The following ZCWPW2 variants were observed in gnomAD, a reference collection of about 807,000 sequenced individuals.
The protein encoded by ZCWPW2 is zinc finger CW-type PWWP domain protein 2.
Under a neutral mutation model 46.6 loss-of-function variants are expected in ZCWPW2, and 45 were observed. The ratio of observed to expected loss-of-function variants is 0.96; its 90% CI spans 0.76 to 1.24. The LOEUF is 1.24. Among genes scored for constraint, ZCWPW2 ranks in the 50% most tolerant of loss-of-function variants. The pLI, the probability that ZCWPW2 is intolerant of heterozygous loss-of-function variation, is 0.00. For missense variants in ZCWPW2, 429 were observed against 403.9 expected (o/e 1.06, Z -0.53); for synonymous variants, 152 against 137.1 (o/e 1.11, Z -0.76).
chr3:28,360,349 C>CAAAAAAAAAAAAAAAAAAAAA, intron 1 of ZCWPW2, among the ~76,000 whole-genome samples: 1 of 53,926 alleles, frequency 1.9e-5, no homozygotes, highest in Non-Finnish European at 3.4e-5. Flanking sequence ...ACTAAAAATA[C>CAAAAAAAAAAAAAAAAAAAAA]AAAAAAAAAA....
At chr3:28,363,393 A>G (rs1458243186) in intron 1 of ZCWPW2, among the ~76,000 whole-genome samples, 1 of 152,196 alleles carries the variant, frequency 6.6e-6, no homozygotes, top group African/African-American at 2.4e-5. Flanking sequence ...TTTTTCTTAT[A>G]ATAGCACTGG....
At chr3:28,380,961 T>C (rs1197123927) in intron 1 of ZCWPW2, among the ~76,000 whole-genome samples, 1,157 of 55,372 alleles carry the variant, frequency 0.021, 318 homozygotes, top group Admixed American at 0.036. Flanking sequence ...TATATATATA[T>C]ATATATATAT....
intron 2 of ZCWPW2, among the ~76,000 whole-genome samples, chr3:28,398,571 G>T (rs989232699): frequency 1.3e-5 from 2 of 152,142 alleles, no homozygotes; most frequent in Non-Finnish European, 2.9e-5. Flanking sequence ...GAAGGAACCA[G>T]ATTGCTCCTG....
intron 3 of ZCWPW2, among the ~76,000 whole-genome samples, chr3:28,424,546 G>A (rs558903721): frequency 6.6e-6 from 1 of 152,240 alleles, no homozygotes; most frequent in South Asian, 2.1e-4. Flanking sequence ...ATAGCAAGAA[G>A]GTGGGCATCT....
chr3:28,507,224 A>T (rs766698465), intron 6 of ZCWPW2, among the ~76,000 whole-genome samples: 17 of 152,284 alleles, frequency 1.1e-4, no homozygotes, highest in African/African-American at 4.1e-4. Context: ...GTCATTGTGG[A>T]ATATTTAACA....
At chr3:28,442,775 T>A (rs1239837618) in intron 4 of ZCWPW2, among the ~76,000 whole-genome samples, 1 of 151,904 alleles carries the variant, frequency 6.6e-6, no homozygotes, top group African/African-American at 2.4e-5. Flanking sequence ...CCAAGATCTA[T>A]CTGTCTTCTG....
chr3:28,365,854 G>A (rs1220344577), intron 1 of ZCWPW2, among the ~76,000 whole-genome samples: 1 of 140,818 alleles, frequency 7.1e-6, no homozygotes, highest in Non-Finnish European at 1.6e-5. Context: ...CCTTGAAGAG[G>A]TCCTTCATCT....
Position 28,514,042 on chromosome 3 carries a change from T to C in ZCWPW2, c.658-22T>C, listed in dbSNP as rs954201925. ...ATTTAGTCCTATATGAACTAACTCA[T>C]ATTTTTGTTTTTGTGTTATAGAAGC... On this transcript the variant is annotated intron_variant, in intron 6 of 9. Transcript: ENST00000383768. 3 of 1,483,804 alleles carry C rather than the reference T, an allele frequency of 2.0e-6. No homozygotes were observed. The Admixed American group carries it at 5.8e-5, about 29-fold the overall frequency. 91.9% of individuals were successfully genotyped at this position (1,483,804 alleles called of 1,614,324 possible).
intron 3 of ZCWPW2, among the ~76,000 whole-genome samples, chr3:28,433,569 C>A (rs1697356516): frequency 6.6e-6 from 1 of 152,048 alleles, no homozygotes; most frequent in Non-Finnish European, 1.5e-5. Flanking sequence ...GAGTTCGAGA[C>A]CAGCCTGACC....
intron 4 of ZCWPW2, among the ~76,000 whole-genome samples, chr3:28,442,132 G>A (rs571980736): frequency 1.5e-4 from 23 of 152,244 alleles, no homozygotes; most frequent in East Asian, 1.2e-3. Flanking sequence ...AGAGCCTTTT[G>A]GATCACTGAC....
At chr3:28,438,743 A>T (rs1236463118) in intron 4 of ZCWPW2, among the ~76,000 whole-genome samples, 1 of 152,182 alleles carries the variant, frequency 6.6e-6, no homozygotes, top group Non-Finnish European at 1.5e-5. Flanking sequence ...CTTTAAAGCC[A>T]CTGTCTTAAA....
chr3:28,453,845 TATTATTA>T (rs1559510846), intron 4 of ZCWPW2, among the ~76,000 whole-genome samples: 138 of 148,422 alleles, frequency 9.3e-4, no homozygotes, highest in African/African-American at 3.2e-3. Context: ...TTATTTTTTT[TATTATTA>T]TTTTTTTTTT....
At chr3:28,502,011 C>A (rs1429443972) in intron 6 of ZCWPW2, among the ~76,000 whole-genome samples, 1 of 152,090 alleles carries the variant, frequency 6.6e-6, no homozygotes, top group African/African-American at 2.4e-5. Context: ...GCATGAGCCA[C>A]CCACATCCCA....
chr3:28,450,633 A>G (rs371506977), intron 4 of ZCWPW2, among the ~76,000 whole-genome samples: 1 of 152,162 alleles, frequency 6.6e-6, no homozygotes, highest in Admixed American at 6.6e-5. Context: ...CTCCTATAGT[A>G]AAAATGTAGC....
intron 2 of ZCWPW2, among the ~76,000 whole-genome samples, chr3:28,404,189 G>GA (rs796751098): frequency 3.3e-4 from 47 of 143,846 alleles, no homozygotes; most frequent in African/African-American, 4.1e-4. Flanking sequence ...AAATTAACAA[G>GA]AAAAAAAAAA....
At chr3:28,433,303 C>G (rs924167383) in intron 3 of ZCWPW2, among the ~76,000 whole-genome samples, 7 of 152,102 alleles carry the variant, frequency 4.6e-5, no homozygotes, top group Non-Finnish European at 1.0e-4. Context: ...CCTGTGGTTT[C>G]CCTCCCTTTG....
intron 2 of ZCWPW2, among the ~76,000 whole-genome samples, chr3:28,411,517 T>C (rs1696398548): frequency 6.6e-6 from 1 of 151,954 alleles, no homozygotes; most frequent in African/African-American, 2.4e-5. Context: ...ATATCTGTCT[T>C]AGCCACCATA....
chr3:28,515,682 G>T, intron 8 of ZCWPW2, 61 bp downstream of exon 8: 3 of 1,448,562 alleles, frequency 2.1e-6, no homozygotes, highest in Non-Finnish European at 2.8e-6. Flanking sequence ...ACAGAATGTA[G>T]TTGTAGTCCT....
At chr3:28,400,251 A>C (rs1178089007) in intron 2 of ZCWPW2, among the ~76,000 whole-genome samples, 1 of 152,056 alleles carries the variant, frequency 6.6e-6, no homozygotes, top group East Asian at 1.9e-4. Context: ...ACAACAACAA[A>C]AAAGAAAATA....
Sources: allele counts gnomAD v4.1 joint callset (sites outside exome capture counted in the v4.1 genomes callset), GRCh38; gene constraint gnomAD v4.1.1; transcripts MANE v1.5; gene names NCBI Gene and HGNC (gene_info 2026-07-23, HGNC 2026-07-21).